The following RAB20 variants were observed in gnomAD, a reference collection of about 807,000 sequenced individuals.
RAB20 encodes RAB20, member RAS oncogene family.
In RAB20, 2 loss-of-function variants were observed where a neutral mutation model predicts 3.7. The observed-to-expected ratio is 0.54, with a 90% CI of 0.22 to 1.69. RAB20 has a LOEUF of 1.69. RAB20 is among the 40% of genes most tolerant of loss of function. The pLI, the probability that RAB20 is intolerant of heterozygous loss-of-function variation, is 0.19. For missense variants in RAB20, 276 were observed against 311.9 expected (o/e 0.88, Z 0.87); for synonymous variants, 126 against 130.8 (o/e 0.96, Z 0.25).
At chr13:110,540,724 G>A (rs7331315) in intron 1 of RAB20, among the ~76,000 whole-genome samples, 46,068 of 146,936 alleles carry the variant, frequency 0.31, 7,389 homozygotes, top group East Asian at 0.42. Context: ...CCTGGGCAAC[G>A]AGAGTGAAAC....
intron 1 of RAB20, among the ~76,000 whole-genome samples, chr13:110,525,681 G>T (rs1263157515): frequency 6.6e-6 from 1 of 152,252 alleles, no homozygotes; most frequent in Non-Finnish European, 1.5e-5. Context: ...CACGCAGCAG[G>T]TGAGAGCCCC....
At chr13:110,558,224 T>C (rs1885071373) in intron 1 of RAB20, among the ~76,000 whole-genome samples, 1 of 152,208 alleles carries the variant, frequency 6.6e-6, no homozygotes, top group Non-Finnish European at 1.5e-5. Context: ...TTCCTGGATG[T>C]ACCCACCCAT....
intron 1 of RAB20, among the ~76,000 whole-genome samples, chr13:110,538,333 C>G (rs1179048245): frequency 6.7e-6 from 1 of 149,998 alleles, no homozygotes; most frequent in Non-Finnish European, 1.5e-5. Flanking sequence ...AGGCCAGGCA[C>G]GGTGGCTCAT....
chr13:110,544,880 G>A (rs1884826137), intron 1 of RAB20, among the ~76,000 whole-genome samples: 1 of 152,212 alleles, frequency 6.6e-6, no homozygotes, highest in African/African-American at 2.4e-5. Context: ...CCCACGTGTT[G>A]TGGGAGGGAC....
At chr13:110,554,156 G>A (rs1230568590) in intron 1 of RAB20, among the ~76,000 whole-genome samples, 1 of 152,036 alleles carries the variant, frequency 6.6e-6, no homozygotes. Context: ...AATCCCCCTG[G>A]CTCCACGTGT....
intron 1 of RAB20, among the ~76,000 whole-genome samples, chr13:110,531,223 AG>A (rs1884535054): frequency 1.3e-5 from 2 of 152,154 alleles, no homozygotes; most frequent in South Asian, 4.1e-4. Flanking sequence ...CACCCCAGGG[AG>A]TCTGGTCTAA....
chr13:110,552,817 G>A (rs568578493), intron 1 of RAB20, among the ~76,000 whole-genome samples: 7 of 152,284 alleles, frequency 4.6e-5, no homozygotes, highest in East Asian at 1.9e-4. Context: ...TCAGGTGCTC[G>A]TTAACAAACA....
intron 1 of RAB20, among the ~76,000 whole-genome samples, chr13:110,547,462 C>T (rs189619040): frequency 6.6e-6 from 1 of 152,318 alleles, no homozygotes; most frequent in Non-Finnish European, 1.5e-5. Flanking sequence ...AGTTCACAGG[C>T]ACCCCATGCA....
intron 1 of RAB20, among the ~76,000 whole-genome samples, chr13:110,543,358 T>C (rs912879773): frequency 5.3e-5 from 8 of 152,206 alleles, no homozygotes; most frequent in African/African-American, 1.9e-4. Flanking sequence ...CTTGAACTTC[T>C]GGCCTCAAGT....
At chr13:110,543,317 G>T (rs954579488) in intron 1 of RAB20, among the ~76,000 whole-genome samples, 1 of 151,982 alleles carries the variant, frequency 6.6e-6, no homozygotes, top group Non-Finnish European at 1.5e-5. Flanking sequence ...TTTTTGTAGA[G>T]ACAGGGTCTC....
chr13:110,552,436 G>A (rs1301008262), intron 1 of RAB20, among the ~76,000 whole-genome samples: 3 of 151,158 alleles, frequency 2.0e-5, no homozygotes, highest in Non-Finnish European at 4.4e-5. Context: ...GCTCACGCCT[G>A]TAATCCCAGC....
intron 1 of RAB20, among the ~76,000 whole-genome samples, chr13:110,554,394 G>C (rs1885004658): frequency 6.6e-6 from 1 of 152,126 alleles, no homozygotes; most frequent in Non-Finnish European, 1.5e-5. Context: ...ATGTGGCTGG[G>C]GGCTGAGGTT....
In RAB20 at chr13:110,526,960, G is replaced by A. The variant is rs74368971; in HGVS notation, c.173-2763C>T. 5.9e-3 allele frequency among the ~76,000 whole-genome samples: 903 copies of A among 152,260 alleles called. 6 individuals carry two copies. Among genetic ancestry groups the A allele is most frequent in the African/African-American group, 0.021 (862 of 41,546 alleles). On this transcript the variant is annotated intron_variant, in intron 1 of 1. Transcript: ENST00000267328. ...TGTTCTGAGAAGGGGTCCTGGGCTT[G>A]TACCCCTCGGGGGCCGAGGGGTCTT...
In RAB20 at chr13:110,523,988, T is replaced by C. The variant is rs774171023; in HGVS notation, c.382A>G (p.Lys128Glu). The C allele has an allele frequency of 1.2e-6, 2 of 1,614,102 alleles. No individual in the cohort carries two copies. Among genetic ancestry groups the C allele is most frequent in the Non-Finnish European group, 1.7e-6 (2 of 1,180,018 alleles). The change falls in exon 2 of 2, where the codon AAG (lysine) becomes GAG (glutamate). Residue 128 changes from lysine (K) to glutamate (E), a missense_variant. Coordinates refer to ENST00000267328, the MANE Select transcript of RAB20 (RefSeq NM_017817.3). ...TEEGALAGQE[K>E]EECSPNMDAG... ...TCCATATTGGGACTGCACTCTTCCT[T>C]CTCCTGGCCCGCCAAGGCCCCCTCC...
At chr13:110,537,974 G>GA (rs1377430540) in intron 1 of RAB20, among the ~76,000 whole-genome samples, 4 of 152,042 alleles carry the variant, frequency 2.6e-5, no homozygotes, top group African/African-American at 9.6e-5. Flanking sequence ...GATGGATCAG[G>GA]AAAAAAAGAG....
rs3074410 is a variant in RAB20, at chr13:110,551,918, C to CAA, written c.172+9428_172+9429dup. ...CAACATACTGAGACCCCTGTCTCTACAAAAAAAAAAAAAAAATACAAAAAT... is the reference window on the plus strand; with the variant it reads ...CAACATACTGAGACCCCTGTCTCTACAAAAAAAAAAAAAAAAAATACAAAAAT... On this transcript the variant is annotated intron_variant, in intron 1 of 1. Coordinates refer to ENST00000267328, the MANE Select transcript of RAB20 (RefSeq NM_017817.3). Among the ~76,000 whole-genome samples the CAA allele has an allele frequency of 4.3e-3, 439 of 100,980 alleles. 3 individuals are homozygous for CAA. The highest frequency in any genetic ancestry group is 0.013 in the African/African-American group (421 of 32,426). 66.2% of individuals were successfully genotyped at this position (100,980 alleles called of 152,430 possible).
At chr13:110,530,450 G>T (rs1020854773) in intron 1 of RAB20, among the ~76,000 whole-genome samples, 1 of 111,992 alleles carries the variant, frequency 8.9e-6, no homozygotes, top group Admixed American at 8.3e-5. Context: ...AGGGAAGTAG[G>T]TCCCACCCGC....
At chr13:110,533,029 GC>G (rs1027095344) in intron 1 of RAB20, among the ~76,000 whole-genome samples, 2 of 151,984 alleles carry the variant, frequency 1.3e-5, no homozygotes, top group Non-Finnish European at 2.9e-5. Context: ...AGATCGGACA[GC>G]CCCCTGGCAG....
intron 1 of RAB20, among the ~76,000 whole-genome samples, chr13:110,528,100 C>T (rs896427450): frequency 1.1e-4 from 16 of 151,646 alleles, no homozygotes; most frequent in Non-Finnish European, 1.9e-4. Flanking sequence ...GACCCCATAT[C>T]TAAAATAAAT....
Sources: allele counts gnomAD v4.1 joint callset (sites outside exome capture counted in the v4.1 genomes callset), GRCh38; gene constraint gnomAD v4.1.1; transcripts MANE v1.5; gene names NCBI Gene and HGNC (gene_info 2026-07-23, HGNC 2026-07-21).